The following GATA4 variants were observed in gnomAD, a reference collection of about 807,000 sequenced individuals.
GATA4 encodes GATA binding protein 4.
Under a neutral mutation model 37.9 loss-of-function variants are expected in GATA4, and 7 were observed. The ratio of observed to expected loss-of-function variants is 0.18; its 90% CI spans 0.11 to 0.35. The LOEUF is 0.35. Among genes scored for constraint, GATA4 ranks in the 10% least tolerant of loss-of-function variants. The probability of loss-of-function intolerance (pLI) is 1.00; values close to 1 mark genes in which losing one functional copy is unlikely to be tolerated. For synonymous variants in GATA4, 372 were observed against 292.6 expected (o/e 1.27, Z -2.77); for missense variants, 647 against 653.0 (o/e 0.99, Z 0.10).
intron 2 of GATA4, among the ~76,000 whole-genome samples, chr8:11,720,308 A>G (rs527887255): frequency 1.3e-4 from 20 of 152,194 alleles, no homozygotes; most frequent in African/African-American, 4.3e-4. Context: ...CACAGAGGCC[A>G]CATTAACATT....
rs1437411940 is a variant in GATA4, at chr8:11,759,498, C to G, written c.*1023C>G. 1 of 152,432 alleles carries G rather than the reference C, an allele frequency of 6.6e-6. No individual in the cohort carries two copies. Among genetic ancestry groups the G allele is most frequent in the African/African-American group, 2.4e-5 (1 of 41,600 alleles). The allele number at this position is 152,432 out of a possible 1,614,324, so 9.4% of individuals were successfully genotyped here. ...TGGTCAGATGGCAGCCAGAGTCCCT[C>G]AGGACCTGCAGCCTCGCCCCGGCAG... On this transcript the variant is annotated 3_prime_UTR_variant, in exon 7 of 7. Transcript: ENST00000532059.
intron 2 of GATA4, among the ~76,000 whole-genome samples, chr8:11,737,710 G>C (rs1352953761): frequency 6.6e-6 from 1 of 152,166 alleles, no homozygotes; most frequent in African/African-American, 2.4e-5. Flanking sequence ...TGGGAAATGG[G>C]TTCCATTTTC....
intron 2 of GATA4, among the ~76,000 whole-genome samples, chr8:11,745,344 T>G (rs1273366161): frequency 2.2e-5 from 3 of 135,174 alleles, no homozygotes; most frequent in African/African-American, 9.0e-5. Flanking sequence ...AAGGCTGAGG[T>G]GGGAGGATCG....
At chr8:11,729,346 G>C (rs1801093639) in intron 2 of GATA4, among the ~76,000 whole-genome samples, 1 of 152,078 alleles carries the variant, frequency 6.6e-6, no homozygotes. Context: ...AGGGTGAACG[G>C]ATCACGAGGT....
chr8:11,710,311 C>G (rs1395848703), intron 2 of GATA4, among the ~76,000 whole-genome samples: 1 of 152,160 alleles, frequency 6.6e-6, no homozygotes, highest in East Asian at 1.9e-4. Context: ...CCGGCCGAGC[C>G]TCGCCGCGAC....
At position 11,758,939 on chromosome 8, in the gene GATA4, C is replaced by T. The variant is rs1036315797; in HGVS notation, c.*464C>T. ...GGGACAGGCCCTTGCCCCATCCATC[C>T]GCTTGAGGCATGGCACCGCCCTGCA... On this transcript the variant is annotated 3_prime_UTR_variant, in exon 7 of 7. Transcript: ENST00000532059. 11 of 264,514 alleles carry T rather than the reference C, an allele frequency of 4.2e-5. No homozygotes were observed. The highest frequency in any genetic ancestry group is 2.2e-4 in the African/African-American group (10 of 45,470). The allele number at this position is 264,514 out of a possible 1,614,324, so 16.4% of individuals were successfully genotyped here.
At chr8:11,684,327 G>T (rs1799071258) in intron 1 of GATA4, among the ~76,000 whole-genome samples, 1 of 152,222 alleles carries the variant, frequency 6.6e-6, no homozygotes, top group Non-Finnish European at 1.5e-5. Flanking sequence ...GGGTGACCTT[G>T]AGTAAGTTAT....
rs146405437 is a variant in GATA4, at chr8:11,685,429, G to C, written c.-274+8366G>C. On this transcript the variant is annotated intron_variant, in intron 1 of 6. Transcript: ENST00000528712. ...AGCAGAATAAACAAATATTTTGAGA[G>C]AGGTGAGGAAGATTGGCCAGATCCA... Among the ~76,000 whole-genome samples, 402 of 152,330 alleles carry C rather than the reference G, an allele frequency of 2.6e-3. 3 individuals are homozygous for C. The highest frequency in any genetic ancestry group is 9.3e-3 in the African/African-American group (386 of 41,574).
At chr8:11,745,499 T>C (rs1801986836) in intron 2 of GATA4, among the ~76,000 whole-genome samples, 1 of 151,150 alleles carries the variant, frequency 6.6e-6, no homozygotes, top group African/African-American at 2.4e-5. Flanking sequence ...GGTGGGAGGA[T>C]TGCTTGAGCC....
At chr8:11,757,903 A>T (rs1302900167) in intron 6 of GATA4, among the ~76,000 whole-genome samples, 2 of 152,120 alleles carry the variant, frequency 1.3e-5, no homozygotes, top group Admixed American at 6.5e-5. Flanking sequence ...TGTCTGGGAG[A>T]ACCTGATCCC....
chr8:11,698,108 G>C lies in GATA4; in HGVS notation c.-728-2400G>C, dbSNP rs544844846. On this transcript the variant is annotated intron_variant, in intron 1 of 2. Coordinates refer to the GATA4 transcript ENST00000526974. ...TTCTGGCGTCCGTCCTCTCCCAGGA[G>C]GTCCTGGCCTCTCTCTGCGTCGCCA... The C allele has an allele frequency of 3.4e-4, 226 of 673,954 alleles. 1 individual carries two copies. In the African/African-American group the frequency reaches 4.0e-3, roughly 12 times the overall value. 41.7% of individuals were successfully genotyped at this position (673,954 alleles called of 1,614,324 possible).
At chr8:11,695,920 T>C (rs1333243947) in intron 1 of GATA4, among the ~76,000 whole-genome samples, 7 of 152,192 alleles carry the variant, frequency 4.6e-5, no homozygotes, top group Admixed American at 4.6e-4. Context: ...GGACCAACCT[T>C]GAAAAATGAT....
chr8:11,753,348 G>C (rs1040115346), intron 4 of GATA4, among the ~76,000 whole-genome samples: 4 of 152,148 alleles, frequency 2.6e-5, no homozygotes, highest in Non-Finnish European at 4.4e-5. Flanking sequence ...TGGGTATGGA[G>C]TTTGAGTTTT....
chr8:11,715,155 A>G (rs945391009), intron 2 of GATA4, among the ~76,000 whole-genome samples: 2 of 152,234 alleles, frequency 1.3e-5, no homozygotes, highest in African/African-American at 4.8e-5. Context: ...TTATAAATGC[A>G]GGAAGTGTAT....
At chr8:11,706,850 C>A (rs930069817) in intron 1 of GATA4, among the ~76,000 whole-genome samples, 1 of 152,086 alleles carries the variant, frequency 6.6e-6, no homozygotes, top group Non-Finnish European at 1.5e-5. Flanking sequence ...AGGAGAGACA[C>A]CTGTACTTAG....
At chr8:11,695,890 C>T (rs1799494777) in intron 1 of GATA4, among the ~76,000 whole-genome samples, 1 of 152,154 alleles carries the variant, frequency 6.6e-6, no homozygotes, top group African/African-American at 2.4e-5. Flanking sequence ...TTCCTGTGGA[C>T]TGAGGATGAG....
chr8:11,725,551 A>G (rs1012384696), intron 2 of GATA4, among the ~76,000 whole-genome samples: 1 of 152,164 alleles, frequency 6.6e-6, no homozygotes, highest in Non-Finnish European at 1.5e-5. Flanking sequence ...CAAGTTCTAC[A>G]GTATTTCTGG....
chr8:11,740,772 C>T (rs561520372), intron 2 of GATA4, among the ~76,000 whole-genome samples: 4 of 150,872 alleles, frequency 2.7e-5, no homozygotes, highest in East Asian at 3.9e-4. Flanking sequence ...CTCACTCTGT[C>T]GCCCAGACTG....
chr8:11,726,770 T>C (rs1010597348), intron 2 of GATA4, among the ~76,000 whole-genome samples: 6 of 152,166 alleles, frequency 3.9e-5, no homozygotes, highest in African/African-American at 1.4e-4. Flanking sequence ...ACCCCTTGCA[T>C]CCTCACTTGA....
Sources: gnomAD v4.1 joint callset for allele counts (sites outside exome capture counted in the v4.1 genomes callset) on GRCh38, gnomAD v4.1.1 for gene constraint, MANE v1.5 for transcripts, NCBI Gene and HGNC (gene_info 2026-07-23, HGNC 2026-07-21) for gene names.